CWC27: variants seen among roughly 807,000 people sequenced by gnomAD.
CWC27 encodes the protein spliceosome-associated protein CWC27 homolog.
CWC27 carries 47 observed loss-of-function variants against 63.6 expected under a neutral mutation model. The ratio of observed to expected loss-of-function variants is 0.74; its 90% confidence interval spans 0.58 to 0.94. The LOEUF (loss-of-function observed/expected upper bound fraction) is 0.94, where lower values mean the gene tolerates loss of function less well. Among genes scored for constraint, CWC27 ranks in the 40% least tolerant of loss-of-function variants. The pLI, the probability that CWC27 is intolerant of heterozygous loss-of-function variation, is 0.00. For missense variants in CWC27, 495 were observed against 554.3 expected (o/e 0.89, Z 1.07); for synonymous variants, 175 against 179.8 (o/e 0.97, Z 0.22).
At chr5:64,992,899 G>A (rs866142031) in intron 13 of CWC27, among the ~76,000 whole-genome samples, 4 of 152,038 alleles carry the variant, frequency 2.6e-5, no homozygotes, top group African/African-American at 9.6e-5. Context: ...ACAATTACTC[G>A]AAAATAATCA....
intron 11 of CWC27, among the ~76,000 whole-genome samples, chr5:64,953,256 T>C (rs547143255): frequency 1.3e-5 from 2 of 152,272 alleles, no homozygotes; most frequent in East Asian, 3.9e-4. Context: ...ACTGTTATTA[T>C]TCTGGCCAAT....
At chr5:64,877,157 C>T (rs1261109052) in intron 10 of CWC27, among the ~76,000 whole-genome samples, 1 of 151,962 alleles carries the variant, frequency 6.6e-6, no homozygotes, top group Admixed American at 6.6e-5. Flanking sequence ...GATGTGGAGT[C>T]GACCTTAGAG....
chr5:64,820,096 A>G (rs1204237218), intron 10 of CWC27, among the ~76,000 whole-genome samples: 1 of 152,220 alleles, frequency 6.6e-6, no homozygotes, highest in African/African-American at 2.4e-5. Context: ...AGTGTTTGAA[A>G]GTTGATGCTG....
At chr5:64,782,643 A>G (rs369603993) in intron 3 of CWC27, among the ~76,000 whole-genome samples, 2 of 152,234 alleles carry the variant, frequency 1.3e-5, no homozygotes, top group East Asian at 1.9e-4. Flanking sequence ...GATGGCACCA[A>G]TATCATGTTC....
intron 13 of CWC27, among the ~76,000 whole-genome samples, chr5:65,008,808 C>T (rs954677313): frequency 6.6e-6 from 1 of 152,204 alleles, no homozygotes; most frequent in Admixed American, 6.5e-5. Context: ...TAAATAGTGT[C>T]TGCCCTCCAA....
chr5:64,876,559 A>G (rs971295604), intron 10 of CWC27, among the ~76,000 whole-genome samples: 1 of 152,132 alleles, frequency 6.6e-6, no homozygotes, highest in African/African-American at 2.4e-5. Flanking sequence ...ATTTACCATC[A>G]TATATAAGAA....
chr5:64,830,023 A>G (rs1163079369), intron 10 of CWC27, among the ~76,000 whole-genome samples: 1 of 62,516 alleles, frequency 1.6e-5, no homozygotes, highest in Non-Finnish European at 3.2e-5. Flanking sequence ...TTTCTTTTCC[A>G]TTCTTTTTTT....
intron 11 of CWC27, among the ~76,000 whole-genome samples, chr5:64,935,974 G>A (rs570642895): frequency 6.6e-6 from 1 of 152,272 alleles, no homozygotes; most frequent in Non-Finnish European, 1.5e-5. Flanking sequence ...TCCTGAAGTT[G>A]CTTATCAGCT....
At chr5:64,915,044 A>C (rs1364595483) in intron 11 of CWC27, among the ~76,000 whole-genome samples, 2 of 151,756 alleles carry the variant, frequency 1.3e-5, no homozygotes, top group African/African-American at 4.9e-5. Flanking sequence ...ACAAGAAAAC[A>C]AACAAAATTA....
Position 64,781,923 on chromosome 5 carries a change from T to A in CWC27, c.142T>A (p.Tyr48Asn). Residue 48 changes from tyrosine to asparagine, a missense_variant and splice_region_variant, in exon 3 of 14, where the codon TAT becomes AAT. Around this residue, in one of 3 missense-constraint regions of CWC27, gnomAD observed 463 missense variants for 498.1 expected, o/e 0.93. Transcript: ENST00000381070. ...RNFIQLCLEA[Y>N]YDNTIFHRVV... is the part of the protein sequence containing the mutation. ...AATTATTTTTATTTTTTTTTCAGCT[T>A]ATTATGACAATACCATTTTTCATAG... The A allele has an allele frequency of 6.6e-7, 1 of 1,521,266 alleles. No homozygotes were observed. The highest frequency in any genetic ancestry group is 1.2e-5 in the South Asian group (1 of 84,664). 94.2% of individuals were successfully genotyped at this position (1,521,266 alleles called of 1,614,324 possible).
At chr5:64,944,931 T>C (rs1467309388) in intron 11 of CWC27, among the ~76,000 whole-genome samples, 1 of 152,142 alleles carries the variant, frequency 6.6e-6, no homozygotes, top group African/African-American at 2.4e-5. Flanking sequence ...GTAGACTCTA[T>C]AAAATCTGTA....
At chr5:64,993,747 A>T (rs1379043189) in intron 13 of CWC27, among the ~76,000 whole-genome samples, 1 of 152,190 alleles carries the variant, frequency 6.6e-6, no homozygotes, top group Non-Finnish European at 1.5e-5. Flanking sequence ...ATTGGAAAGA[A>T]AGTTTAAGGA....
chr5:64,985,757 G>C (rs959201280), intron 13 of CWC27, among the ~76,000 whole-genome samples: 5 of 152,026 alleles, frequency 3.3e-5, no homozygotes, highest in Non-Finnish European at 5.9e-5. Flanking sequence ...TTGCTCTACT[G>C]CTCTGGCTAA....
intron 13 of CWC27, among the ~76,000 whole-genome samples, chr5:64,998,286 G>T (rs1382578194): frequency 6.6e-6 from 1 of 152,128 alleles, no homozygotes; most frequent in Non-Finnish European, 1.5e-5. Flanking sequence ...CCCTATGGAA[G>T]ACAGTTGTTC....
intron 10 of CWC27, among the ~76,000 whole-genome samples, chr5:64,806,334 TTAAA>T (rs1403093786): frequency 3.3e-5 from 5 of 152,298 alleles, no homozygotes; most frequent in Non-Finnish European, 7.4e-5. Context: ...GAAAAGTAAA[TTAAA>T]TAAGAAGTCT....
At chr5:64,823,680 G>A (rs536265173) in intron 10 of CWC27, among the ~76,000 whole-genome samples, 1 of 152,234 alleles carries the variant, frequency 6.6e-6, no homozygotes, top group South Asian at 2.1e-4. Flanking sequence ...AACAGACTGA[G>A]CACTCTAAAT....
intron 13 of CWC27, among the ~76,000 whole-genome samples, chr5:64,991,963 C>T (rs748761386): frequency 2.6e-5 from 4 of 152,024 alleles, no homozygotes; most frequent in African/African-American, 4.8e-5. Flanking sequence ...ACAGAATAAC[C>T]GACATACTAG....
intron 11 of CWC27, among the ~76,000 whole-genome samples, chr5:64,953,050 T>C (rs1246804993): frequency 6.6e-6 from 1 of 152,128 alleles, no homozygotes; most frequent in Non-Finnish European, 1.5e-5. Flanking sequence ...AGAATAATTA[T>C]GTTTATTCTC....
At chr5:64,933,723 C>T (rs1430874503) in intron 11 of CWC27, among the ~76,000 whole-genome samples, 1 of 152,100 alleles carries the variant, frequency 6.6e-6, no homozygotes, top group Non-Finnish European at 1.5e-5. Flanking sequence ...AAACTCCTGA[C>T]CTCATAATCC....
Sources: gnomAD v4.1 joint callset for allele counts (sites outside exome capture counted in the v4.1 genomes callset) on GRCh38, gnomAD v4.1.1 for gene constraint, gnomAD v4.1.1 regional missense constraint, MANE v1.5 for transcripts, NCBI Gene and HGNC (gene_info 2026-07-23, HGNC 2026-07-21) for gene names.